The following SASH1 variants were observed in gnomAD, a reference collection of about 807,000 sequenced individuals.
The protein encoded by SASH1 is SAM and SH3 domain containing 1.
SASH1 carries 44 observed loss-of-function variants against 125.2 expected under a neutral mutation model. The ratio of observed to expected loss-of-function variants is 0.35; its 90% CI spans 0.28 to 0.45. The LOEUF (loss-of-function observed/expected upper bound fraction) is 0.45, where lower values mean the gene tolerates loss of function less well. SASH1 is among the 20% of genes least tolerant of loss of function. The probability of loss-of-function intolerance (pLI) is 1.00; values close to 1 mark genes in which losing one functional copy is unlikely to be tolerated. For missense variants in SASH1, 1,426 were observed against 1,614.5 expected (o/e 0.88, Z 2.00); for synonymous variants, 639 against 649.1 (o/e 0.98, Z 0.24).
intron 1 of SASH1, among the ~76,000 whole-genome samples, chr6:148,319,319 G>A (rs934989046): frequency 2.6e-5 from 4 of 152,058 alleles, no homozygotes; most frequent in African/African-American, 9.7e-5. Context: ...ACAGGCGTGA[G>A]CCACCGCGCC....
intron 1 of SASH1, among the ~76,000 whole-genome samples, chr6:148,361,937 A>G (rs1364180122): frequency 2.7e-4 from 18 of 67,430 alleles, no homozygotes; most frequent in East Asian, 1.1e-3. Context: ...TTTTTGAGAC[A>G]GAGTCTCACT....
chr6:148,205,185 C>T, the SASH1 span, among the ~76,000 whole-genome samples: 2 of 152,156 alleles, frequency 1.3e-5, no homozygotes, highest in African/African-American at 4.8e-5. Context: ...TCGCCTCGCT[C>T]GGCAACAAGA....
chr6:148,453,625 G>C (rs1008681954), intron 4 of SASH1, among the ~76,000 whole-genome samples: 1 of 152,256 alleles, frequency 6.6e-6, no homozygotes, highest in East Asian at 1.9e-4. Context: ...GGTGCTCGGA[G>C]AGACCAGTGA....
intron 9 of SASH1, among the ~76,000 whole-genome samples, chr6:148,518,893 C>A (rs1474826778): frequency 6.6e-6 from 1 of 152,168 alleles, no homozygotes; most frequent in Non-Finnish European, 1.5e-5. Context: ...CCTTAAACGC[C>A]CTGGCTGCTC....
At chr6:148,345,177 G>A (rs555776963) in intron 1 of SASH1, among the ~76,000 whole-genome samples, 1 of 152,268 alleles carries the variant, frequency 6.6e-6, no homozygotes, top group Non-Finnish European at 1.5e-5. Flanking sequence ...GCTGGGGGCG[G>A]GGAGGATTGG....
chr6:148,453,147 A>G (rs1248648209), intron 4 of SASH1, among the ~76,000 whole-genome samples: 1 of 152,148 alleles, frequency 6.6e-6, no homozygotes, highest in Non-Finnish European at 1.5e-5. Context: ...ACCCGGACAC[A>G]GCTTGAGTCC....
At chr6:148,445,702 C>T (rs1562416014) in intron 4 of SASH1, among the ~76,000 whole-genome samples, 1 of 152,160 alleles carries the variant, frequency 6.6e-6, no homozygotes, top group Non-Finnish European at 1.5e-5. Context: ...GAAGAAAAAG[C>T]AGGGCGAAGA....
chr6:148,352,836 GT>G (rs781596250), intron 1 of SASH1, among the ~76,000 whole-genome samples: 111 of 151,730 alleles, frequency 7.3e-4, no homozygotes, highest in Non-Finnish European at 9.9e-4. Context: ...AGGTGTGGTA[GT>G]GGGCACTTGT....
chr6:148,274,231 G>T (rs374253817), intron 1 of SASH1, among the ~76,000 whole-genome samples: 40 of 152,282 alleles, frequency 2.6e-4, no homozygotes, highest in African/African-American at 6.7e-4. Context: ...TGGCTGGCAG[G>T]TTCTCCTTTC....
In SASH1 at chr6:148,448,148, G is replaced by T. The variant is rs557052970; in HGVS notation, c.386+7741G>T. On this transcript the variant is annotated intron_variant, in intron 4 of 19. Transcript: ENST00000367467. ...TGTGTGTGTGTGTGTGTATGTGTGT[G>T]TGTGCGTGCGTGCGTGCGTTGTCAC... Among the ~76,000 whole-genome samples the T allele has an allele frequency of 6.2e-4, 94 of 151,824 alleles. 3 individuals carry two copies. The South Asian group carries it at 0.018, about 29-fold the overall frequency.
chr6:148,339,745 A>G (rs902134363), upstream of SASH1, among the ~76,000 whole-genome samples: 1 of 151,652 alleles, frequency 6.6e-6, no homozygotes, highest in African/African-American at 2.4e-5. Context: ...GGGTTTTGTC[A>G]TGTTGGCCAG....
chr6:148,228,829 A>G, the SASH1 span, among the ~76,000 whole-genome samples: 1 of 152,164 alleles, frequency 6.6e-6, no homozygotes, highest in Non-Finnish European at 1.5e-5. Context: ...ACTTAATGAC[A>G]GAGAAAAAAA....
chr6:148,360,674 G>A (rs928848731), intron 1 of SASH1, among the ~76,000 whole-genome samples: 3 of 146,148 alleles, frequency 2.1e-5, no homozygotes, highest in Non-Finnish European at 3.0e-5. Flanking sequence ...TAACAAAGAT[G>A]CTGTGGGGCA....
At chr6:148,316,336 C>T (rs1171917023) in intron 1 of SASH1, among the ~76,000 whole-genome samples, 1 of 152,108 alleles carries the variant, frequency 6.6e-6, no homozygotes, top group Non-Finnish European at 1.5e-5. Flanking sequence ...AGACTGGCCT[C>T]TTTATTTGTA....
chr6:148,242,768 T>C, the SASH1 span, among the ~76,000 whole-genome samples: 1 of 152,206 alleles, frequency 6.6e-6, no homozygotes, highest in African/African-American at 2.4e-5. Context: ...CTTATGCCGT[T>C]GGTTCATCTA....
chr6:148,421,592 C>T lies in SASH1; in HGVS notation c.286-18592C>T, dbSNP rs576445587. Among the ~76,000 whole-genome samples, 5 of 152,382 alleles carry T rather than the reference C, an allele frequency of 3.3e-5. No homozygotes were observed. The East Asian group carries it at 5.8e-4, about 18-fold the overall frequency. On this transcript the variant is annotated intron_variant, in intron 2 of 19. Coordinates refer to ENST00000367467, the MANE Select transcript of SASH1 (RefSeq NM_015278.5). ...GTGCTGGGATTACAGGCATGAGCCA[C>T]TGTGCCCAGCCAGGGCCAATTATTA...
chr6:148,257,316 G>T, the SASH1 span, among the ~76,000 whole-genome samples: 1 of 152,158 alleles, frequency 6.6e-6, no homozygotes, highest in Admixed American at 6.5e-5. Flanking sequence ...AATGTGGCTT[G>T]AACCTGAGTC....
intron 1 of SASH1, among the ~76,000 whole-genome samples, chr6:148,306,897 G>A (rs1780142553): frequency 6.6e-6 from 1 of 152,140 alleles, no homozygotes; most frequent in African/African-American, 2.4e-5. Context: ...CTCAAGCAGA[G>A]GTGGGTCAGA....
intron 1 of SASH1, among the ~76,000 whole-genome samples, chr6:148,300,326 G>A (rs1779904176): frequency 6.6e-6 from 1 of 151,976 alleles, no homozygotes; most frequent in African/African-American, 2.4e-5. Context: ...CCCATCGGAT[G>A]CTCTTTCCCC....
Sources: allele counts gnomAD v4.1 joint callset (sites outside exome capture counted in the v4.1 genomes callset), GRCh38; gene constraint gnomAD v4.1.1; transcripts MANE v1.5; gene names NCBI Gene and HGNC (gene_info 2026-07-23, HGNC 2026-07-21).